Variants in SEC63 observed in about 807,000 individuals in gnomAD.
SEC63 encodes translocation protein SEC63 homolog.
Under a neutral mutation model 116.2 loss-of-function variants are expected in SEC63, and 56 were observed. The ratio of observed to expected loss-of-function variants is 0.48; its 90% CI spans 0.39 to 0.60. SEC63 has a LOEUF of 0.60. SEC63 is among the 20% of genes least tolerant of loss of function. The pLI, the probability that SEC63 is intolerant of heterozygous loss-of-function variation, is 0.00. For synonymous variants in SEC63, 273 were observed against 294.6 expected, an observed-to-expected ratio of 0.93 and a Z score of 0.75; for missense variants, 668 against 900.0, an observed-to-expected ratio of 0.74 and a Z score of 3.30.
chr6:107,870,584 T>C lies in SEC63; in HGVS notation c.*1120A>G, dbSNP rs947842426. ...ACATCTCTACTCTTTACAAGCACTA[T>C]CCTTCCAGTTGTACTATGAGGGGAA... On this transcript the variant is annotated 3_prime_UTR_variant, in exon 21 of 21. Coordinates refer to ENST00000369002, the MANE Select transcript of SEC63 (RefSeq NM_007214.5). 6.6e-6 allele frequency: 1 copy of C among 152,158 alleles called. No homozygotes were observed. The highest frequency in any genetic ancestry group is 2.4e-5 in the African/African-American group (1 of 41,424). The allele number at this position is 152,158 out of a possible 1,614,324, so 9.4% of individuals were successfully genotyped here.
At chr6:107,934,334 G>C (rs547321704) in intron 1 of SEC63, among the ~76,000 whole-genome samples, 1 of 151,310 alleles carries the variant, frequency 6.6e-6, no homozygotes, top group South Asian at 2.1e-4. Flanking sequence ...CTTCCCGGCC[G>C]TCATCCCATC....
chr6:107,928,843 G>A (rs1284134100), intron 2 of SEC63, among the ~76,000 whole-genome samples: 1 of 152,174 alleles, frequency 6.6e-6, no homozygotes, highest in Non-Finnish European at 1.5e-5. Flanking sequence ...AACTAAACAT[G>A]TTAATGGCCT....
At chr6:107,949,249 T>C (rs1562342118) in intron 1 of SEC63, among the ~76,000 whole-genome samples, 1 of 152,224 alleles carries the variant, frequency 6.6e-6, no homozygotes, top group Non-Finnish European at 1.5e-5. Context: ...AGTTTTTATA[T>C]GTCAAAGTTA....
At chr6:107,914,201 C>T (rs1787348593) in intron 4 of SEC63, among the ~76,000 whole-genome samples, 1 of 152,078 alleles carries the variant, frequency 6.6e-6, no homozygotes, top group Non-Finnish European at 1.5e-5. Context: ...TTCCCAATTC[C>T]TTACAAAAAT....
rs756849940 is a variant in SEC63, at chr6:107,921,922, A to AGGG, written c.340-14_340-13insCCC. The AGGG allele has an allele frequency of 1.5e-5, 14 of 964,120 alleles. No individual in the cohort carries two copies. The highest frequency in any genetic ancestry group is 9.1e-5 in the South Asian group (5 of 54,988). 59.7% of individuals were successfully genotyped at this position (964,120 alleles called of 1,614,324 possible). A position where few individuals can be genotyped will look rare whatever the true frequency, so the allele number is the denominator to read the frequency against. On this transcript the variant is annotated splice_polypyrimidine_tract_variant and intron_variant, in intron 3 of 20. Coordinates refer to ENST00000369002, the MANE Select transcript of SEC63 (RefSeq NM_007214.5). ...CTACTGTGGCTCCCTGGGGAAAAACAAAAAAAAAAAACAAGCTTTCTGTTA... is the reference window on the plus strand; with the variant it reads ...CTACTGTGGCTCCCTGGGGAAAAACAGGGAAAAAAAAAAACAAGCTTTCTGTTA...
chr6:107,951,846 G>A (rs1007020853), intron 1 of SEC63, among the ~76,000 whole-genome samples: 4 of 151,992 alleles, frequency 2.6e-5, no homozygotes, highest in Non-Finnish European at 5.9e-5. Context: ...GGTGGTGGGC[G>A]CCTGTGGTCC....
chr6:107,897,851 T>A, intron 13 of SEC63, 120 bp from the exon 14 acceptor site: 1 of 723,834 alleles, frequency 1.4e-6, no homozygotes, highest in Non-Finnish European at 2.5e-6. Context: ...GCATATTATA[T>A]TTTAAATTTG....
In SEC63 at chr6:107,903,227, C is replaced by G. The variant is rs963774433; in HGVS notation, c.1055-229G>C. 2.6e-5 allele frequency among the ~76,000 whole-genome samples: 4 copies of G among 152,176 alleles called. No individual in the cohort carries two copies. In the South Asian group the frequency reaches 8.3e-4, roughly 32 times the overall value. On this transcript the variant is annotated intron_variant, in intron 11 of 20. Transcript: ENST00000369002. ...TTGATTTAAAAGAAAAATTATTTGC[C>G]TCACCTCAAATAATAGTAAATTATC...
intron 1 of SEC63, among the ~76,000 whole-genome samples, chr6:107,941,576 C>T (rs1770376754): frequency 6.6e-6 from 1 of 151,928 alleles, no homozygotes; most frequent in East Asian, 1.9e-4. Flanking sequence ...ACCAATCCAA[C>T]ACCCAGATAG....
intron 18 of SEC63, among the ~76,000 whole-genome samples, chr6:107,879,724 CTTTTTTTTT>C (rs67569380): frequency 7.9e-6 from 1 of 126,720 alleles, no homozygotes; most frequent in Non-Finnish European, 1.7e-5. Context: ...TGATTTTTAT[CTTTTTTTTT>C]TTTTTTTTTG....
intron 18 of SEC63, among the ~76,000 whole-genome samples, chr6:107,879,981 C>T (rs1039358877): frequency 3.3e-5 from 5 of 152,170 alleles, no homozygotes; most frequent in Non-Finnish European, 7.3e-5. Context: ...TGGGTACACA[C>T]TAGGCAGCTT....
At chr6:107,935,125 G>C (rs552497865) in intron 1 of SEC63, among the ~76,000 whole-genome samples, 1 of 144,226 alleles carries the variant, frequency 6.9e-6, no homozygotes, top group Non-Finnish European at 1.5e-5. Flanking sequence ...AGGTGGGGGG[G>C]TCAGCCCCCC....
At chr6:107,938,636 C>T (rs1442593838) in intron 1 of SEC63, among the ~76,000 whole-genome samples, 1 of 151,238 alleles carries the variant, frequency 6.6e-6, no homozygotes, top group African/African-American at 2.4e-5. Context: ...GATCTCAGCT[C>T]ACTGCAACCT....
At position 107,909,008 on chromosome 6, in the gene SEC63, A is replaced by G; in HGVS notation, c.652T>C (p.Tyr218His). The G allele has an allele frequency of 6.2e-7, 1 of 1,613,056 alleles. No homozygotes were observed. Among genetic ancestry groups the G allele is most frequent in the Non-Finnish European group, 8.5e-7 (1 of 1,179,204 alleles). The change falls in exon 8 of 21, where the codon TAT becomes CAT. Residue 218 changes from tyrosine to histidine, a missense_variant. Tyr to His is a moderately conservative substitution (Grantham distance 83). Coordinates refer to ENST00000369002, the MANE Select transcript of SEC63 (RefSeq NM_007214.5). ...VGSWWYRSIR[Y>H]SGDQILIRTT... ...CGTATTAGAATCTGGTCTCCACTAT[A>G]GCGTATTGAGCGATACCACCAAGAG...
intron 8 of SEC63, 141 bp downstream of exon 8, chr6:107,908,786 T>C: frequency 1.9e-6 from 1 of 538,430 alleles, no homozygotes; most frequent in Non-Finnish European, 3.3e-6. Context: ...GGCATTTTTC[T>C]CTAGCTTTAA....
At chr6:107,929,309 A>G (rs1421756641) in intron 2 of SEC63, 106 bp downstream of exon 2, 9 of 672,818 alleles carry the variant, frequency 1.3e-5, no homozygotes, top group Non-Finnish European at 2.1e-5. Context: ...ATAGATTACA[A>G]TTTCTTTACA....
intron 13 of SEC63, among the ~76,000 whole-genome samples, chr6:107,899,363 C>T (rs1216237106): frequency 6.6e-6 from 1 of 152,210 alleles, no homozygotes; most frequent in African/African-American, 2.4e-5. Context: ...TGAGGCCGAA[C>T]ACTCTTAAAT....
At chr6:107,895,716 GA>G (rs1009451332) in intron 14 of SEC63, among the ~76,000 whole-genome samples, 1 of 151,384 alleles carries the variant, frequency 6.6e-6, no homozygotes, top group Non-Finnish European at 1.5e-5. Flanking sequence ...TGACTCAGGA[GA>G]AAATATAAAT....
chr6:107,880,975 T>TA, intron 18 of SEC63, 174 bp downstream of exon 18: 1 of 573,908 alleles, frequency 1.7e-6, no homozygotes, highest in South Asian at 2.0e-5. Flanking sequence ...AGCAACACGT[T>TA]CACTAAGTAT....
Sources: allele counts gnomAD v4.1 joint callset (sites outside exome capture counted in the v4.1 genomes callset), GRCh38; gene constraint gnomAD v4.1.1; transcripts MANE v1.5; gene names NCBI Gene and HGNC (gene_info 2026-07-23, HGNC 2026-07-21).